Variants in CFDP1 observed in about 807,000 individuals in gnomAD.
The protein encoded by CFDP1 is chromatin remodeling protein CFDP1.
CFDP1 carries 31 observed loss-of-function variants against 40.1 expected under a neutral mutation model. The ratio of observed to expected loss-of-function variants is 0.77; its 90% CI spans 0.58 to 1.04. CFDP1 has a LOEUF of 1.04. CFDP1 is among the 50% of genes least tolerant of loss of function. The pLI is 0.00. For synonymous variants in CFDP1, 167 were observed against 120.0 expected (o/e 1.39, Z -2.56); for missense variants, 423 against 343.4 (o/e 1.23, Z -1.83).
At chr16:75,393,071 G>A (rs769087534) in intron 5 of CFDP1, among the ~76,000 whole-genome samples, 5 of 152,206 alleles carry the variant, frequency 3.3e-5, no homozygotes, top group East Asian at 1.9e-4. Context: ...CAGCAAGCAC[G>A]TGCAGCTCAC....
chr16:75,390,242 T>C (rs1475448520), intron 5 of CFDP1, among the ~76,000 whole-genome samples: 2 of 152,230 alleles, frequency 1.3e-5, no homozygotes, highest in African/African-American at 4.8e-5. Flanking sequence ...TAGGAGCTGC[T>C]CTGTGAGGAC....
At chr16:75,398,952 GA>G (rs943724746) in intron 4 of CFDP1, among the ~76,000 whole-genome samples, 2 of 151,882 alleles carry the variant, frequency 1.3e-5, no homozygotes, top group African/African-American at 2.4e-5. Context: ...AGCTACTCGG[GA>G]GGCTGAGGCA....
chr16:75,383,275 C>T (rs775067186), intron 5 of CFDP1, among the ~76,000 whole-genome samples: 108 of 152,176 alleles, frequency 7.1e-4, no homozygotes, highest in Non-Finnish European at 1.2e-3. Flanking sequence ...TGCTCAGCCT[C>T]TCCCAAAAGA....
At chr16:75,425,951 G>A (rs916943444) in intron 1 of CFDP1, among the ~76,000 whole-genome samples, 5 of 133,850 alleles carry the variant, frequency 3.7e-5, no homozygotes, top group African/African-American at 8.5e-5. Context: ...CAGGAGAATC[G>A]CTTGAACCTG....
intron 1 of CFDP1, among the ~76,000 whole-genome samples, chr16:75,427,037 A>G (rs2079350032): frequency 7.5e-6 from 1 of 133,496 alleles, no homozygotes; most frequent in Non-Finnish European, 1.6e-5. Context: ...CCTGGGGGAC[A>G]GCGAGACTGT....
At chr16:75,374,058 G>A (rs893079706) in intron 5 of CFDP1, among the ~76,000 whole-genome samples, 1 of 151,952 alleles carries the variant, frequency 6.6e-6, no homozygotes, top group African/African-American at 2.4e-5. Context: ...TTCAAGACAA[G>A]CCTGGCCAAC....
At chr16:75,301,275 T>A (rs1284979634) in intron 6 of CFDP1, among the ~76,000 whole-genome samples, 1 of 152,130 alleles carries the variant, frequency 6.6e-6, no homozygotes, top group Non-Finnish European at 1.5e-5. Flanking sequence ...GAGCCAAGAT[T>A]TGAATTGTTT....
chr16:75,387,680 T>C (rs1051779572), intron 5 of CFDP1, among the ~76,000 whole-genome samples: 2 of 152,174 alleles, frequency 1.3e-5, no homozygotes, highest in African/African-American at 4.8e-5. Context: ...ATATAAGTTG[T>C]CCACAATGTA....
chr16:75,406,907 A>G (rs1229323680), intron 4 of CFDP1, among the ~76,000 whole-genome samples: 2 of 151,504 alleles, frequency 1.3e-5, no homozygotes, highest in Non-Finnish European at 2.9e-5. Flanking sequence ...TGTAATCCCA[A>G]CTACTCGAGA....
intron 5 of CFDP1, among the ~76,000 whole-genome samples, chr16:75,379,352 G>C (rs2078833321): frequency 6.6e-6 from 1 of 150,798 alleles, no homozygotes; most frequent in Non-Finnish European, 1.5e-5. Flanking sequence ...AAAAGAGAGA[G>C]AGAGAGAAGG....
intron 4 of CFDP1, among the ~76,000 whole-genome samples, chr16:75,399,092 A>G (rs1343129507): frequency 2.7e-5 from 4 of 150,914 alleles, no homozygotes; most frequent in African/African-American, 9.7e-5. Context: ...AAACCTGTGA[A>G]GTGGTTCCAC....
intron 5 of CFDP1, among the ~76,000 whole-genome samples, chr16:75,349,449 C>T (rs1283728414): frequency 6.7e-6 from 1 of 150,014 alleles, no homozygotes; most frequent in East Asian, 2.0e-4. Flanking sequence ...GTGGAGGTTG[C>T]GGTGAGCCAG....
intron 5 of CFDP1, among the ~76,000 whole-genome samples, chr16:75,376,509 T>C (rs2078798126): frequency 6.6e-6 from 1 of 152,220 alleles, no homozygotes; most frequent in Non-Finnish European, 1.5e-5. Context: ...ATGTATGCTT[T>C]GATTTCCATG....
intron 5 of CFDP1, among the ~76,000 whole-genome samples, chr16:75,312,350 G>A (rs1388883346): frequency 6.6e-6 from 1 of 152,170 alleles, no homozygotes; most frequent in African/African-American, 2.4e-5. Flanking sequence ...ACCTTTTGTG[G>A]CTTGAAAAAT....
intron 5 of CFDP1, among the ~76,000 whole-genome samples, chr16:75,316,708 G>A (rs1043869350): frequency 2.0e-5 from 3 of 151,936 alleles, no homozygotes; most frequent in Non-Finnish European, 2.9e-5. Context: ...GGTGGCTCAC[G>A]CCTGTAATCC....
chr16:75,329,958 C>T (rs1008825407), intron 5 of CFDP1, among the ~76,000 whole-genome samples: 1 of 152,170 alleles, frequency 6.6e-6, no homozygotes, highest in Non-Finnish European at 1.5e-5. Flanking sequence ...CCTCCTCCCT[C>T]AAACACCTGT....
intron 1 of CFDP1, among the ~76,000 whole-genome samples, chr16:75,429,944 G>C (rs1478792442): frequency 1.3e-5 from 2 of 152,104 alleles, no homozygotes; most frequent in Non-Finnish European, 2.9e-5. Context: ...AAGGTGGTTG[G>C]GGTGCAGCTT....
chr16:75,317,538 G>A (rs574134655), intron 5 of CFDP1, among the ~76,000 whole-genome samples: 20 of 152,306 alleles, frequency 1.3e-4, no homozygotes, highest in Non-Finnish European at 2.4e-4. Context: ...CCTGAGGTGC[G>A]AACTGCTGTT....
chr16:75,365,462 A>G (rs1251920376), intron 5 of CFDP1, among the ~76,000 whole-genome samples: 3 of 152,214 alleles, frequency 2.0e-5, no homozygotes, highest in African/African-American at 4.8e-5. Context: ...AGACGGACTA[A>G]AACTTAAGCA....
Sources: gnomAD v4.1 joint callset for allele counts (sites outside exome capture counted in the v4.1 genomes callset) on GRCh38, gnomAD v4.1.1 for gene constraint, MANE v1.5 for transcripts, NCBI Gene and HGNC (gene_info 2026-07-23, HGNC 2026-07-21) for gene names.